SORCS1: variants seen among roughly 807,000 people sequenced by gnomAD.
SORCS1 encodes VPS10 domain-containing receptor SorCS1.
SORCS1 carries 60 observed loss-of-function variants against 146.1 expected under a neutral mutation model. The ratio of observed to expected loss-of-function variants is 0.41; its 90% confidence interval spans 0.33 to 0.51. The LOEUF (loss-of-function observed/expected upper bound fraction) is 0.51, where lower values mean the gene tolerates loss of function less well. SORCS1 is among the 20% of genes least tolerant of loss of function. The probability of loss-of-function intolerance (pLI) is 0.21; values close to 1 mark genes in which losing one functional copy is unlikely to be tolerated. For missense variants in SORCS1, 1,352 were observed against 1,487.6 expected, an observed-to-expected ratio of 0.91 and a Z score of 1.50; for synonymous variants, 637 against 584.0, an observed-to-expected ratio of 1.09 and a Z score of -1.31.
intron 2 of SORCS1, among the ~76,000 whole-genome samples, chr10:106,907,940 AC>A (rs1019706192): frequency 5.9e-5 from 9 of 152,232 alleles, no homozygotes; most frequent in African/African-American, 2.2e-4. Context: ...CTCTATTAAT[AC>A]TGAAATTACT....
At chr10:107,163,932 C>T in intron 1 of SORCS1, 37 bp downstream of exon 1, 1 of 1,580,186 alleles carries the variant, frequency 6.3e-7, no homozygotes, top group Non-Finnish European at 8.6e-7. Flanking sequence ...CCCTTTCCAT[C>T]TTTCCACCCC....
intron 17 of SORCS1, among the ~76,000 whole-genome samples, chr10:106,660,062 G>A (rs79266425): frequency 1.6e-4 from 25 of 152,178 alleles, no homozygotes; most frequent in Non-Finnish European, 3.5e-4. Flanking sequence ...CATTTTTAGG[G>A]CCAATTATTC....
the SORCS1 span, among the ~76,000 whole-genome samples, chr10:107,180,665 T>C: frequency 6.6e-6 from 1 of 152,214 alleles, no homozygotes; most frequent in South Asian, 2.1e-4. Flanking sequence ...TATTTATTCT[T>C]ACTTTGAGTT....
intron 3 of SORCS1, among the ~76,000 whole-genome samples, chr10:106,779,089 A>C (rs1860689977): frequency 6.6e-6 from 1 of 152,204 alleles, no homozygotes; most frequent in Non-Finnish European, 1.5e-5. Context: ...ATATTATAAA[A>C]ATAAAGCGAC....
At chr10:107,171,832 T>A in the SORCS1 span, among the ~76,000 whole-genome samples, 2 of 152,170 alleles carry the variant, frequency 1.3e-5, no homozygotes, top group Non-Finnish European at 2.9e-5. Flanking sequence ...ATTCAACATA[T>A]GCAATTTATC....
chr10:106,709,118 C>T (rs1429729922), intron 7 of SORCS1, 105 bp downstream of exon 7: 8 of 797,512 alleles, frequency 1.0e-5, no homozygotes, highest in Admixed American at 2.2e-5. Context: ...CCCTCCCTCC[C>T]ATCCTCTCTT....
intron 3 of SORCS1, among the ~76,000 whole-genome samples, 153 bp downstream of exon 3, chr10:106,829,421 T>C (rs1199929116): frequency 6.6e-6 from 1 of 152,230 alleles, no homozygotes; most frequent in Non-Finnish European, 1.5e-5. Context: ...TTATGATGTG[T>C]CAGACATTTT....
intron 1 of SORCS1, among the ~76,000 whole-genome samples, chr10:107,157,649 A>T (rs1401864389): frequency 1.3e-5 from 2 of 152,240 alleles, no homozygotes; most frequent in Non-Finnish European, 2.9e-5. Context: ...CCGACAGAGC[A>T]TCCACGTCCT....
At chr10:106,640,965 A>C (rs1849034418) in intron 18 of SORCS1, among the ~76,000 whole-genome samples, 1 of 152,140 alleles carries the variant, frequency 6.6e-6, no homozygotes, top group African/African-American at 2.4e-5. Context: ...ATGATGCATA[A>C]ATGCATTGTG....
At chr10:106,926,688 T>G (rs1352645888) in intron 2 of SORCS1, among the ~76,000 whole-genome samples, 2 of 151,928 alleles carry the variant, frequency 1.3e-5, no homozygotes, top group African/African-American at 4.8e-5. Flanking sequence ...AACACAAATA[T>G]AGCAGGTTTT....
intron 1 of SORCS1, among the ~76,000 whole-genome samples, chr10:107,053,654 G>A (rs541723475): frequency 2.6e-5 from 4 of 152,084 alleles, no homozygotes; most frequent in Admixed American, 6.6e-5. Context: ...CACTGAAAAC[G>A]CTTGCAAAAA....
At chr10:106,719,018 C>T (rs2135922734) in intron 6 of SORCS1, among the ~76,000 whole-genome samples, 1 of 152,320 alleles carries the variant, frequency 6.6e-6, no homozygotes, top group South Asian at 2.1e-4. Context: ...TAGCTAGACA[C>T]AAAAGTTCTC....
In SORCS1 at chr10:106,956,542, C is replaced by T. The variant is rs1564852072; in HGVS notation, c.597G>A (p.Leu199=). 4 of 1,614,158 alleles carry T rather than the reference C, an allele frequency of 2.5e-6. No homozygotes were observed. In the East Asian group the frequency reaches 8.9e-5, roughly 36 times the overall value. Residue 199 remains leucine (L), a synonymous_variant, in exon 2 of 26, where the codon CTG becomes CTA. Transcript: ENST00000263054. ...LILTKLYDYN[L]GSITESSLWR... ...AAAGCGAGCTCTCTGTGATGCTCCCCAGGTTATAGTCATAGAGCTTTGTCA... is the reference window on the plus strand; with the variant it reads ...AAAGCGAGCTCTCTGTGATGCTCCCTAGGTTATAGTCATAGAGCTTTGTCA...
At chr10:106,606,511 T>A (rs183821505) in intron 23 of SORCS1, among the ~76,000 whole-genome samples, 1 of 152,378 alleles carries the variant, frequency 6.6e-6, no homozygotes, top group African/African-American at 2.4e-5. Context: ...GGCATTCTTG[T>A]GACAAGTATG....
intron 14 of SORCS1, among the ~76,000 whole-genome samples, chr10:106,673,649 G>T (rs1201559745): frequency 6.6e-6 from 1 of 152,180 alleles, no homozygotes; most frequent in Non-Finnish European, 1.5e-5. Context: ...TGTGGTCCAA[G>T]ATTAGACTTC....
chr10:106,958,857 CTGTT>C (rs1955089110), intron 1 of SORCS1, among the ~76,000 whole-genome samples: 1 of 152,160 alleles, frequency 6.6e-6, no homozygotes, highest in Non-Finnish European at 1.5e-5. Context: ...AGCAGGGTGG[CTGTT>C]TGTTTGAAGA....
intron 16 of SORCS1, among the ~76,000 whole-genome samples, chr10:106,670,696 ATT>A (rs563511704): frequency 4.8e-4 from 63 of 131,924 alleles, no homozygotes; most frequent in Middle Eastern, 4.1e-3. Context: ...GAATCTGCCC[ATT>A]TTTTTTTTTT....
intron 1 of SORCS1, among the ~76,000 whole-genome samples, chr10:107,053,385 C>T (rs1960309119): frequency 6.6e-6 from 1 of 152,030 alleles, no homozygotes; most frequent in African/African-American, 2.4e-5. Context: ...AGTTCAAGAA[C>T]AAAACAATCC....
At chr10:106,952,047 G>C (rs1954711195) in intron 2 of SORCS1, among the ~76,000 whole-genome samples, 1 of 152,150 alleles carries the variant, frequency 6.6e-6, no homozygotes, top group Non-Finnish European at 1.5e-5. Flanking sequence ...TTCAGACAAT[G>C]AGATGCCAGG....
Sources: allele counts gnomAD v4.1 joint callset (sites outside exome capture counted in the v4.1 genomes callset), GRCh38; gene constraint gnomAD v4.1.1; transcripts MANE v1.5; gene names NCBI Gene and HGNC (gene_info 2026-07-23, HGNC 2026-07-21).